ZNF57: variants seen among roughly 807,000 people sequenced by gnomAD.
The protein encoded by ZNF57 is zinc finger protein 424.
ZNF57 carries 11 observed loss-of-function variants against 13.4 expected under a neutral mutation model. The ratio of observed to expected loss-of-function variants is 0.82; its 90% confidence interval spans 0.52 to 1.36. The LOEUF (loss-of-function observed/expected upper bound fraction) is 1.36. ZNF57 is among the 40% of genes most tolerant of loss of function. The pLI is 0.00. For synonymous variants in ZNF57, 224 were observed against 238.5 expected, an observed-to-expected ratio of 0.94 and a Z score of 0.56; for missense variants, 696 against 667.5, an observed-to-expected ratio of 1.04 and a Z score of -0.47.
chr19:2,911,752 G>A (rs985846914), intron 1 of ZNF57, among the ~76,000 whole-genome samples: 1 of 152,124 alleles, frequency 6.6e-6, no homozygotes, highest in Non-Finnish European at 1.5e-5. Context: ...CTACTCATGT[G>A]TCCATTAAAG....
At chr19:2,908,624 C>G (rs756374929) in intron 1 of ZNF57, among the ~76,000 whole-genome samples, 13 of 151,886 alleles carry the variant, frequency 8.6e-5, no homozygotes, top group Non-Finnish European at 1.2e-4. Context: ...AGGATGATCT[C>G]GACCTCCTGA....
chr19:2,901,164 A>G (rs2088026055), intron 1 of ZNF57, 116 bp downstream of exon 1: 2 of 1,321,372 alleles, frequency 1.5e-6, no homozygotes, highest in Non-Finnish European at 1.0e-6. Flanking sequence ...GGGGCGGCGC[A>G]GGACTAGCAC....
chr19:2,903,967 A>G (rs11668484), intron 1 of ZNF57, among the ~76,000 whole-genome samples: 126,215 of 151,656 alleles, frequency 0.83, 53,202 homozygotes, highest in Middle Eastern at 0.91. Flanking sequence ...CGCTCGCCTC[A>G]GCCTCCGAAA....
intron 1 of ZNF57, chr19:2,912,371 A>C (rs1021718793): frequency 3.9e-5 from 6 of 152,204 alleles, no homozygotes; most frequent in Non-Finnish European, 8.8e-5. Context: ...CAAAATCATT[A>C]TTCTTCTCCT....
intron 1 of ZNF57, among the ~76,000 whole-genome samples, chr19:2,911,312 C>T (rs944892487): frequency 6.6e-6 from 1 of 151,994 alleles, no homozygotes; most frequent in African/African-American, 2.4e-5. Context: ...GGGTGGATCA[C>T]CTGAGGTCAG....
chr19:2,913,146 G>A (rs2088156041), intron 1 of ZNF57, among the ~76,000 whole-genome samples: 1 of 152,122 alleles, frequency 6.6e-6, no homozygotes, highest in Non-Finnish European at 1.5e-5. Context: ...TAGAGACGGG[G>A]TTTCACCATA....
intron 1 of ZNF57, among the ~76,000 whole-genome samples, chr19:2,912,949 C>T (rs1182997663): frequency 1.3e-5 from 2 of 152,066 alleles, no homozygotes; most frequent in East Asian, 3.8e-4. Flanking sequence ...CTATTTACAT[C>T]CTTTCCCCAC....
intron 1 of ZNF57, 137 bp from the exon 2 acceptor site, chr19:2,915,385 G>A: frequency 8.4e-7 from 1 of 1,193,846 alleles, no homozygotes; most frequent in East Asian, 2.5e-5. Context: ...TTGTGAATAA[G>A]TAAAAGATCT....
intron 1 of ZNF57, among the ~76,000 whole-genome samples, chr19:2,904,038 T>G (rs7245578): frequency 0.83 from 126,628 of 152,074 alleles, 53,423 homozygotes; most frequent in Middle Eastern, 0.91. Context: ...TTTTTATATT[T>G]TTTTGTAGAG....
At chr19:2,905,999 C>T (rs1196405501) in intron 1 of ZNF57, among the ~76,000 whole-genome samples, 1 of 152,158 alleles carries the variant, frequency 6.6e-6, no homozygotes, top group African/African-American at 2.4e-5. Context: ...TGCCATCTCT[C>T]ATTTCTCTCT....
chr19:2,908,588 T>A (rs1327015338), intron 1 of ZNF57, among the ~76,000 whole-genome samples: 2 of 151,382 alleles, frequency 1.3e-5, no homozygotes, highest in African/African-American at 4.9e-5. Context: ...CCCGGCTAAT[T>A]TTTTGCATTT....
chr19:2,903,780 T>C (rs900570144), intron 1 of ZNF57, among the ~76,000 whole-genome samples: 2 of 151,740 alleles, frequency 1.3e-5, no homozygotes, highest in East Asian at 3.9e-4. Context: ...AGTGGTGCGA[T>C]CTCGGCTCAC....
chr19:2,901,304 GT>G (rs2144915234), intron 1 of ZNF57, among the ~76,000 whole-genome samples: 1 of 119,080 alleles, frequency 8.4e-6, no homozygotes, highest in South Asian at 3.5e-4. Flanking sequence ...GCTGGAGGTA[GT>G]TTGGGGGGAC....
chr19:2,905,407 G>GCCCCCCA (rs2088064580), intron 1 of ZNF57, among the ~76,000 whole-genome samples: 2 of 34,848 alleles, frequency 5.7e-5, no homozygotes, highest in African/African-American at 2.7e-4. Context: ...TCAGGTGATC[G>GCCCCCCA]CCCCCCCCCC....
At chr19:2,915,821 G>A (rs1487699118) in intron 2 of ZNF57, 173 bp downstream of exon 2, 8 of 1,161,016 alleles carry the variant, frequency 6.9e-6, no homozygotes, top group African/African-American at 3.0e-5. Flanking sequence ...TGAAACAGAT[G>A]TTATTTCTGT....
intron 1 of ZNF57, among the ~76,000 whole-genome samples, chr19:2,901,291 G>T (rs1314201446): frequency 2.6e-5 from 3 of 116,860 alleles, no homozygotes; most frequent in Admixed American, 8.7e-5. Context: ...GGGCAGGAGG[G>T]GGGCTGGAGG....
At chr19:2,909,161 T>C (rs2088106775) in intron 1 of ZNF57, among the ~76,000 whole-genome samples, 1 of 152,106 alleles carries the variant, frequency 6.6e-6, no homozygotes, top group Non-Finnish European at 1.5e-5. Context: ...AACATTTGGG[T>C]ACAAATGTTT....
At chr19:2,912,500 G>T (rs558924429) in intron 1 of ZNF57, among the ~76,000 whole-genome samples, 1 of 152,184 alleles carries the variant, frequency 6.6e-6, no homozygotes, top group South Asian at 2.1e-4. Flanking sequence ...AGAGGCTTCT[G>T]TTCATGGTTG....
Position 2,918,393 on chromosome 19 carries a change from T to C in ZNF57, c.*104T>C. 1 of 1,253,032 alleles carries C rather than the reference T, an allele frequency of 8.0e-7. No individual in the cohort carries two copies. Among genetic ancestry groups the C allele is most frequent in the Non-Finnish European group, 1.1e-6 (1 of 913,330 alleles). The allele number at this position is 1,253,032 out of a possible 1,614,324, so 77.6% of individuals were successfully genotyped here. A position where few individuals can be genotyped will look rare whatever the true frequency, so the allele number is the denominator to read the frequency against. On this transcript the variant is annotated 3_prime_UTR_variant, in exon 4 of 4. Transcript: ENST00000306908. The stretch of plus-strand genomic sequence containing the variant: ...AAATCTTACAAGTATGATATTGTCT[T>C]TGTCAATACCTCATTTGTAAAACAG...
Sources: gnomAD v4.1 joint callset for allele counts (sites outside exome capture counted in the v4.1 genomes callset) on GRCh38, gnomAD v4.1.1 for gene constraint, MANE v1.5 for transcripts, NCBI Gene and HGNC (gene_info 2026-07-23, HGNC 2026-07-21) for gene names.